SLC43A2: variants seen among roughly 807,000 people sequenced by gnomAD.
SLC43A2 encodes the protein large neutral amino acids transporter small subunit 4.
Under a neutral mutation model 63.2 loss-of-function variants are expected in SLC43A2, and 38 were observed. That is an observed-to-expected ratio of 0.60 (90% CI 0.46 to 0.79). The LOEUF (loss-of-function observed/expected upper bound fraction) is 0.79. SLC43A2 is among the 30% of genes least tolerant of loss of function. The probability of loss-of-function intolerance (pLI) is 0.00; values close to 1 mark genes in which losing one functional copy is unlikely to be tolerated. For missense variants in SLC43A2, 644 were observed against 756.2 expected, an observed-to-expected ratio of 0.85 and a Z score of 1.74; for synonymous variants, 322 against 331.0, an observed-to-expected ratio of 0.97 and a Z score of 0.30.
intron 5 of SLC43A2, among the ~76,000 whole-genome samples, chr17:1,599,209 G>A (rs113451780): frequency 1.3e-3 from 203 of 151,936 alleles, no homozygotes; most frequent in African/African-American, 4.2e-3. Context: ...GTGTGGCGGC[G>A]TGCACCTGTA....
chr17:1,615,637 A>G (rs960631712), intron 3 of SLC43A2, among the ~76,000 whole-genome samples: 23 of 150,278 alleles, frequency 1.5e-4, no homozygotes, highest in South Asian at 1.1e-3. Flanking sequence ...AGGTCAGGAG[A>G]TCGAGACCAT....
intron 5 of SLC43A2, chr17:1,604,375 G>A (rs572808678): frequency 5.0e-6 from 1 of 199,838 alleles, no homozygotes; most frequent in African/African-American, 2.3e-5. Context: ...TTTGTTTTTG[G>A]AGATGAGGTC....
At chr17:1,626,033 C>T (rs569137696) in intron 2 of SLC43A2, among the ~76,000 whole-genome samples, 16 of 150,830 alleles carry the variant, frequency 1.1e-4, no homozygotes, top group African/African-American at 2.9e-4. Context: ...AAAAAACAAA[C>T]AAAAAACACC....
At chr17:1,604,932 G>GC in intron 5 of SLC43A2, 1 of 1,521,964 alleles carries the variant, frequency 6.6e-7, no homozygotes, top group Non-Finnish European at 8.8e-7. Context: ...GTTCGAAGCC[G>GC]CGGTGCCGGA....
chr17:1,626,153 G>A (rs1908645357), intron 2 of SLC43A2, among the ~76,000 whole-genome samples: 1 of 148,026 alleles, frequency 6.8e-6, no homozygotes, highest in African/African-American at 2.5e-5. Context: ...TTTCTCTGGG[G>A]ACGATGACTT....
rs779922488 is a variant in SLC43A2, at chr17:1,616,585, C to T, written c.345G>A (p.Pro115=). 6.8e-6 allele frequency: 11 copies of T among 1,612,964 alleles called. No homozygotes were observed. The highest frequency in any genetic ancestry group is 1.3e-5 in the African/African-American group (1 of 74,904). The change falls in exon 3 of 14, where the codon CCG becomes CCA. Residue 115 remains proline, a synonymous_variant. Transcript: ENST00000301335. The part of the protein sequence containing the change: ...PLGIVMDKYG[P]RKLRLLGSAC... ...ACCTGCCCAGCAGCCTGAGCTTCCT[C>T]GGGCCATACTTGTCCATGACGATAC...
At position 1,593,865 on chromosome 17, in the gene SLC43A2, G is replaced by T. The variant is rs972210807; in HGVS notation, c.502-586C>A. On this transcript the variant is annotated intron_variant, in intron 5 of 13. Coordinates refer to ENST00000301335, the MANE Select transcript of SLC43A2 (RefSeq NM_152346.3). The surrounding 1 kb of genome is among the most constrained non-coding windows in gnomAD (Gnocchi z 5.3). ...TTTCTTTTCTTTGTTTTGAGATGGG[G>T]TTTTGCTCTTGTTCCCCAGGCTGGA... is the stretch of plus-strand genomic sequence containing the variant. 1.3e-5 allele frequency among the ~76,000 whole-genome samples: 2 copies of T among 152,032 alleles called. No individual in the cohort carries two copies. Among genetic ancestry groups the T allele is most frequent in the Non-Finnish European group, 1.5e-5 (1 of 68,004 alleles).
At chr17:1,598,547 T>C (rs1905551660) in intron 5 of SLC43A2, among the ~76,000 whole-genome samples, 1 of 152,184 alleles carries the variant, frequency 6.6e-6, no homozygotes, top group African/African-American at 2.4e-5. Flanking sequence ...TGCAGTCACC[T>C]TTGGGTAAAA....
intron 3 of SLC43A2, among the ~76,000 whole-genome samples, chr17:1,615,275 A>G (rs1464103582): frequency 6.6e-6 from 1 of 151,410 alleles, no homozygotes; most frequent in Non-Finnish European, 1.5e-5. Context: ...ACGCGTGGCT[A>G]ATTTTTTTAT....
chr17:1,611,695 A>T (rs1322350417), intron 5 of SLC43A2, among the ~76,000 whole-genome samples: 1 of 152,118 alleles, frequency 6.6e-6, no homozygotes, highest in Admixed American at 6.6e-5. Context: ...TCAAAGCTAA[A>T]CAAGAACCCT....
chr17:1,582,379 T>C (rs2076032900), intron 11 of SLC43A2, among the ~76,000 whole-genome samples: 1 of 152,220 alleles, frequency 6.6e-6, no homozygotes, highest in Non-Finnish European at 1.5e-5. Flanking sequence ...CGGCCTGGAA[T>C]GAAGCTTTTG....
chr17:1,590,748 G>A, intron 9 of SLC43A2, 54 bp downstream of exon 9: 5 of 1,545,186 alleles, frequency 3.2e-6, no homozygotes, highest in Non-Finnish European at 4.4e-6. Flanking sequence ...GGTGGCCAGT[G>A]GGCTGGGCTC....
intron 8 of SLC43A2, 52 bp from the exon 9 acceptor site, chr17:1,591,000 CG>C: frequency 2.6e-6 from 4 of 1,510,836 alleles, no homozygotes; most frequent in African/African-American, 1.4e-5. Context: ...TCCCCACCAC[CG>C]GGGGGACACG....
intron 9 of SLC43A2, chr17:1,587,071 G>GCACTGCATTTCCCA (rs1567617130): frequency 9.0e-6 from 5 of 557,672 alleles, no homozygotes; most frequent in African/African-American, 7.0e-5. Context: ...TGCCCAGCAC[G>GCACTGCATTTCCCA]CACTGCATTT....
At position 1,616,459 on chromosome 17, in the gene SLC43A2, C is replaced by T. The variant is rs1907671459; in HGVS notation, c.368+103G>A. ...TCTGGAGGGCCTTCAGGGAGCTCCA[C>T]AGTACACCTGATATCAGGTACGACC... On this transcript the variant is annotated intron_variant, in intron 3 of 13. Transcript: ENST00000301335. The T allele has an allele frequency of 3.4e-6, 4 of 1,177,716 alleles. No homozygotes were observed. In the East Asian group the frequency reaches 1.0e-4, roughly 30 times the overall value. 73.0% of individuals were successfully genotyped at this position (1,177,716 alleles called of 1,614,324 possible). A position where few individuals can be genotyped will look rare whatever the true frequency, so the allele number is the denominator to read the frequency against.
intron 9 of SLC43A2, chr17:1,586,929 C>CCCCCCCCCCCCCCGCGCCCCGGGG: frequency 1.5e-6 from 1 of 657,350 alleles, no homozygotes; most frequent in Non-Finnish European, 2.5e-6. Flanking sequence ...CCCTGACAAT[C>CCCCCCCCCCCCCCGCGCCCCGGGG]CCCCCCACCC....
intron 5 of SLC43A2, among the ~76,000 whole-genome samples, chr17:1,611,765 A>T (rs1488663369): frequency 6.6e-6 from 1 of 152,168 alleles, no homozygotes; most frequent in Non-Finnish European, 1.5e-5. Flanking sequence ...AATGGTAGGT[A>T]CTGTGTCTTA....
At chr17:1,598,343 T>C (rs1222318971) in intron 5 of SLC43A2, among the ~76,000 whole-genome samples, 1 of 150,428 alleles carries the variant, frequency 6.6e-6, no homozygotes, top group Non-Finnish European at 1.5e-5. Flanking sequence ...ATTGCTTGAA[T>C]CCAGGAGGCA....
At chr17:1,613,418 C>A in intron 4 of SLC43A2, 147 bp from the exon 5 acceptor site, 1 of 653,396 alleles carries the variant, frequency 1.5e-6, no homozygotes, top group South Asian at 1.8e-5. Context: ...GGGAGTGGAA[C>A]TGCCCCTTTC....
Sources: allele counts gnomAD v4.1 joint callset (sites outside exome capture counted in the v4.1 genomes callset), GRCh38; gene constraint gnomAD v4.1.1; non-coding constraint Gnocchi (gnomAD v3.1); transcripts MANE v1.5; gene names NCBI Gene and HGNC (gene_info 2026-07-23, HGNC 2026-07-21).